The following SLC24A1 variants were observed in gnomAD, a reference collection of about 807,000 sequenced individuals.
SLC24A1 encodes the protein solute carrier family 24 member 1.
SLC24A1 carries 52 observed loss-of-function variants against 88.1 expected under a neutral mutation model. The observed-to-expected ratio is 0.59, with a 90% CI of 0.47 to 0.74. The LOEUF (loss-of-function observed/expected upper bound fraction) is 0.74. SLC24A1 is among the 30% of genes least tolerant of loss of function. The pLI is 0.00. For missense variants in SLC24A1, 1,173 were observed against 1,363.3 expected, an observed-to-expected ratio of 0.86 and a Z score of 2.20; for synonymous variants, 455 against 498.0, an observed-to-expected ratio of 0.91 and a Z score of 1.15.
chr15:65,649,076 G>C (rs143936700), intron 6 of SLC24A1, among the ~76,000 whole-genome samples: 132 of 152,166 alleles, frequency 8.7e-4, no homozygotes, highest in African/African-American at 3.0e-3. Flanking sequence ...TTCTAATTCA[G>C]TTGGTCCAGG....
At position 65,624,938 on chromosome 15, in the gene SLC24A1, A is replaced by T. The variant is rs1401429711; in HGVS notation, c.858A>T (p.Arg286Ser). Residue 286 changes from arginine (R) to serine (S), a missense_variant, in exon 2 of 10, where the codon AGA (arginine) becomes AGT (serine). Transcript: ENST00000261892. ...AAAACAACCTGTTTCCCCCCAGAAG[A>T]GTGGAAAGTAACAGCTCAGCCCATC... ...MEKNNLFPPRRVESNSSAHPW... is the reference protein window; with the variant it reads ...MEKNNLFPPRSVESNSSAHPW... 8.7e-6 allele frequency: 14 copies of T among 1,611,934 alleles called. No individual in the cohort carries two copies. Among genetic ancestry groups the T allele is most frequent in the Non-Finnish European group, 1.2e-5 (14 of 1,179,112 alleles).
intron 6 of SLC24A1, among the ~76,000 whole-genome samples, chr15:65,647,439 C>T (rs989887605): frequency 1.0e-4 from 14 of 140,094 alleles, no homozygotes; most frequent in Non-Finnish European, 1.8e-4. Context: ...AGTCGCACCA[C>T]TACACTCCAG....
At chr15:65,613,493 T>TGG (rs2074040089) in intron 2 of SLC24A1, among the ~76,000 whole-genome samples, 1 of 151,710 alleles carries the variant, frequency 6.6e-6, no homozygotes, top group East Asian at 1.9e-4. Context: ...TGTGTGTGTG[T>TGG]GTGTGTGTGT....
downstream of SLC24A1, chr15:65,660,641 A>C (rs982840635): frequency 1.5e-5 from 3 of 203,098 alleles, no homozygotes; most frequent in African/African-American, 6.9e-5. Flanking sequence ...AATACTCATG[A>C]TGTCTAAACT....
At position 65,633,161 on chromosome 15, in the gene SLC24A1, A is replaced by G. The variant is rs142663697; in HGVS notation, c.1891-4967A>G. Among the ~76,000 whole-genome samples, 5 of 152,306 alleles carry G rather than the reference A, an allele frequency of 3.3e-5. No homozygotes were observed. The East Asian group carries it at 9.7e-4, about 29-fold the overall frequency. On this transcript the variant is annotated intron_variant, in intron 2 of 9. Transcript: ENST00000261892. ...CAAAAACCAGAGAAATGAGAGGGCA[A>G]TAAGAGACTGTAGCCACCAGCTGCA...
downstream of SLC24A1, among the ~76,000 whole-genome samples, chr15:65,657,380 G>A (rs1442967820): frequency 4.6e-5 from 7 of 152,150 alleles, no homozygotes; most frequent in Non-Finnish European, 8.8e-5. Context: ...GGTGGCTCAT[G>A]CCTATAATCC....
intron 4 of SLC24A1, chr15:65,642,906 C>A: frequency 2.2e-6 from 2 of 892,552 alleles, no homozygotes; most frequent in African/African-American, 1.7e-5. Context: ...TTCTCCGTTT[C>A]CTCTCAGTCC....
intron 2 of SLC24A1, among the ~76,000 whole-genome samples, chr15:65,637,503 A>C (rs2074981126): frequency 6.6e-6 from 1 of 152,238 alleles, no homozygotes; most frequent in Non-Finnish European, 1.5e-5. Context: ...AGGCATGAAC[A>C]AGGGAACAAG....
At chr15:65,653,644 T>C in intron 9 of SLC24A1, among the ~76,000 whole-genome samples, 186 bp from the exon 10 acceptor site, 1 of 152,216 alleles carries the variant, frequency 6.6e-6, no homozygotes, top group Admixed American at 6.5e-5. Flanking sequence ...TAATGAGTCC[T>C]TGGGCAAGTA....
intron 2 of SLC24A1, among the ~76,000 whole-genome samples, chr15:65,626,346 T>A (rs2141477907): frequency 6.6e-6 from 1 of 152,268 alleles, no homozygotes; most frequent in South Asian, 2.1e-4. Context: ...GAGTTGGGCT[T>A]TGGAGAATGT....
chr15:65,641,362 AAAC>A (rs1391802624), intron 4 of SLC24A1, among the ~76,000 whole-genome samples: 3 of 133,402 alleles, frequency 2.2e-5, no homozygotes, highest in African/African-American at 5.9e-5. Context: ...ATCTCTAAAT[AAAC>A]AAACAAACAA....
chr15:65,639,548 C>A lies in SLC24A1; in HGVS notation c.1945-47C>A, dbSNP rs1171513841. 2.4e-6 allele frequency: 3 copies of A among 1,258,838 alleles called. No homozygotes were observed. In the South Asian group the frequency reaches 3.8e-5, roughly 16 times the overall value. 78.0% of individuals were successfully genotyped at this position (1,258,838 alleles called of 1,614,324 possible). A position where few individuals can be genotyped will look rare whatever the true frequency, so the allele number is the denominator to read the frequency against. On this transcript the variant is annotated intron_variant, in intron 3 of 9. Transcript: ENST00000261892. ...TTAGTGATGCCCTCGTGTGGTTCCT[C>A]CCCTGGCTTGGACAGGGGCCCACTG...
At position 65,654,086 on chromosome 15, in the gene SLC24A1, C is replaced by T; in HGVS notation, c.*7C>T. 2.5e-6 allele frequency: 4 copies of T among 1,608,882 alleles called. No individual in the cohort carries two copies. The highest frequency in any genetic ancestry group is 2.6e-6 in the Non-Finnish European group (3 of 1,176,336). On this transcript the variant is annotated 3_prime_UTR_variant, in exon 10 of 10. Transcript: ENST00000261892. ...CTGTCCTGTATCTGTCTGAATCAGT[C>T]ACTCTTGCTCACAATGGGCATGGAT...
upstream of SLC24A1, among the ~76,000 whole-genome samples, chr15:65,619,166 T>G (rs1435645355): frequency 6.6e-6 from 1 of 152,242 alleles, no homozygotes; most frequent in Non-Finnish European, 1.5e-5. Context: ...CAGATCAAAG[T>G]GCTTTTCCAC....
At chr15:65,635,210 C>T (rs1003344170) in intron 2 of SLC24A1, among the ~76,000 whole-genome samples, 8 of 151,712 alleles carry the variant, frequency 5.3e-5, no homozygotes, top group African/African-American at 1.5e-4. Context: ...CTTGGCCAGG[C>T]GCAGTGGCTC....
At position 65,650,265 on chromosome 15, in the gene SLC24A1, C is replaced by A; in HGVS notation, c.2233-117C>A. 1 of 774,594 alleles carries A rather than the reference C, an allele frequency of 1.3e-6. No homozygotes were observed. The highest frequency in any genetic ancestry group is 2.1e-6 in the Non-Finnish European group (1 of 481,898). The allele number at this position is 774,594 out of a possible 1,614,324, so 48.0% of individuals were successfully genotyped here. Reference sequence around the variant, plus strand: ...TGAATTATCGCACTAGTTTTCTCCTCATACTTAAGTTTTCAGATACCTTCT... The same window carrying A: ...TGAATTATCGCACTAGTTTTCTCCTAATACTTAAGTTTTCAGATACCTTCT... On this transcript the variant is annotated intron_variant, in intron 6 of 9. Coordinates refer to ENST00000261892, the MANE Select transcript of SLC24A1 (RefSeq NM_004727.3). The surrounding 1 kb of genome is among the most constrained non-coding windows in gnomAD (Gnocchi z 4.1).
chr15:65,639,846 G>A (rs1299786097), intron 4 of SLC24A1, 143 bp downstream of exon 4: 3 of 687,956 alleles, frequency 4.4e-6, no homozygotes, highest in Middle Eastern at 2.3e-4. Context: ...AGTAGTAAAA[G>A]TCAGACAGTC....
chr15:65,654,766 C>T lies in SLC24A1; in HGVS notation c.*687C>T, dbSNP rs1004841840. On this transcript the variant is annotated 3_prime_UTR_variant, in exon 10 of 10. Coordinates refer to ENST00000261892, the MANE Select transcript of SLC24A1 (RefSeq NM_004727.3). ...TGTTGCCCAGGCTGGTGTGCAATGG[C>T]GTGATCTCGGCACACCACAACCTTC... The T allele has an allele frequency of 5.4e-6, 6 of 1,114,584 alleles. No homozygotes were observed. The highest frequency in any genetic ancestry group is 5.9e-5 in the East Asian group (1 of 16,902). 69.0% of individuals were successfully genotyped at this position (1,114,584 alleles called of 1,614,324 possible). A position where few individuals can be genotyped will look rare whatever the true frequency, so the allele number is the denominator to read the frequency against.
chr15:65,644,208 G>A, intron 4 of SLC24A1: 1 of 569,812 alleles, frequency 1.8e-6, no homozygotes, highest in South Asian at 1.9e-5. Flanking sequence ...GTCACAGCCA[G>A]TCAGTGACAA....
Sources: allele counts gnomAD v4.1 joint callset (sites outside exome capture counted in the v4.1 genomes callset), GRCh38; gene constraint gnomAD v4.1.1; non-coding constraint Gnocchi (gnomAD v3.1); transcripts MANE v1.5; gene names NCBI Gene and HGNC (gene_info 2026-07-23, HGNC 2026-07-21).